Variants in PALM2AKAP2 observed in about 807,000 individuals in gnomAD.
PALM2AKAP2 encodes PALM2-AKAP2 fusion protein.
In PALM2AKAP2, 37 loss-of-function variants were observed where a neutral mutation model predicts 71.5. The ratio of observed to expected loss-of-function variants is 0.52; its 90% confidence interval spans 0.40 to 0.68. The LOEUF (loss-of-function observed/expected upper bound fraction) is 0.68, where lower values mean the gene tolerates loss of function less well. PALM2AKAP2 is among the 30% of genes least tolerant of loss of function. The pLI is 0.00. For synonymous variants in PALM2AKAP2, 468 were observed against 478.8 expected, an observed-to-expected ratio of 0.98 and a Z score of 0.29; for missense variants, 1,224 against 1,191.8, an observed-to-expected ratio of 1.03 and a Z score of -0.40.
chr9:110,042,140 A>T (rs1436344021), intron 7 of PALM2AKAP2, among the ~76,000 whole-genome samples: 1 of 152,138 alleles, frequency 6.6e-6, no homozygotes, highest in Non-Finnish European at 1.5e-5. Flanking sequence ...AAAATAGTCT[A>T]TGGGGGCCGG....
chr9:109,800,146 A>C (rs1040724754), intron 1 of PALM2AKAP2, among the ~76,000 whole-genome samples: 2 of 152,198 alleles, frequency 1.3e-5, no homozygotes, highest in South Asian at 2.1e-4. Flanking sequence ...TGCCAGTATA[A>C]GGTTTACTGA....
intron 1 of PALM2AKAP2, among the ~76,000 whole-genome samples, chr9:109,797,626 G>T (rs773710600): frequency 6.6e-6 from 1 of 152,210 alleles, no homozygotes; most frequent in Non-Finnish European, 1.5e-5. Context: ...TGCAGAAGCC[G>T]TCCGTCACCC....
chr9:109,754,344 A>G (rs1157573301), intron 1 of PALM2AKAP2, among the ~76,000 whole-genome samples: 6 of 152,202 alleles, frequency 3.9e-5, no homozygotes, highest in African/African-American at 1.4e-4. Flanking sequence ...GCTGAGAACT[A>G]GAAGTAATTT....
At chr9:109,727,610 T>C (rs1203003034) in intron 1 of PALM2AKAP2, among the ~76,000 whole-genome samples, 6 of 152,184 alleles carry the variant, frequency 3.9e-5, no homozygotes, top group African/African-American at 1.4e-4. Flanking sequence ...TTTTCAGGAT[T>C]TGATGGGCAC....
intron 6 of PALM2AKAP2, chr9:109,943,454 C>T: frequency 6.3e-7 from 1 of 1,575,220 alleles, no homozygotes; most frequent in Non-Finnish European, 8.6e-7. Context: ...TTCTTCTGGG[C>T]AGCCTGTACT....
intron 1 of PALM2AKAP2, among the ~76,000 whole-genome samples, chr9:109,697,113 T>G (rs1358133271): frequency 6.6e-5 from 10 of 152,150 alleles, no homozygotes; most frequent in African/African-American, 2.4e-4. Context: ...GAATCTCACC[T>G]AAGACATTCA....
chr9:109,937,348 T>C (rs1282801629), intron 6 of PALM2AKAP2, among the ~76,000 whole-genome samples: 2 of 152,114 alleles, frequency 1.3e-5, no homozygotes, highest in East Asian at 1.9e-4. Flanking sequence ...TTAATGTCTC[T>C]ACTCCTTCAG....
intron 1 of PALM2AKAP2, among the ~76,000 whole-genome samples, chr9:109,662,972 T>A (rs1044947817): frequency 1.3e-5 from 2 of 152,312 alleles, no homozygotes; most frequent in Non-Finnish European, 2.9e-5. Flanking sequence ...TTTATAGTAT[T>A]CTCTGATGAT....
chr9:109,973,126 T>A (rs2132162224), intron 6 of PALM2AKAP2, among the ~76,000 whole-genome samples: 1 of 152,330 alleles, frequency 6.6e-6, no homozygotes, highest in African/African-American at 2.4e-5. Context: ...AAAATCTACT[T>A]CTTTTTTATG....
intron 3 of PALM2AKAP2, among the ~76,000 whole-genome samples, chr9:109,896,797 C>T (rs957478757): frequency 2.6e-5 from 4 of 151,962 alleles, no homozygotes; most frequent in Non-Finnish European, 5.9e-5. Context: ...GACAACAGAG[C>T]GAGGCCCTGT....
chr9:110,011,730 T>G (rs1438891024), intron 6 of PALM2AKAP2, among the ~76,000 whole-genome samples: 1 of 152,182 alleles, frequency 6.6e-6, no homozygotes, highest in Non-Finnish European at 1.5e-5. Context: ...CTGTGCGCAG[T>G]GTGTGGGTTA....
At chr9:109,713,900 A>G (rs1828278578) in intron 1 of PALM2AKAP2, among the ~76,000 whole-genome samples, 2 of 152,264 alleles carry the variant, frequency 1.3e-5, no homozygotes. Context: ...CTAGTAAACT[A>G]TAAGATATTA....
intron 3 of PALM2AKAP2, among the ~76,000 whole-genome samples, chr9:109,893,612 AT>A (rs1281955024): frequency 2.0e-5 from 3 of 152,102 alleles, no homozygotes; most frequent in Non-Finnish European, 4.4e-5. Context: ...CACCCAGCTA[AT>A]TTTTGTATTA....
At chr9:109,763,126 C>T (rs965728726) in intron 1 of PALM2AKAP2, among the ~76,000 whole-genome samples, 5 of 152,072 alleles carry the variant, frequency 3.3e-5, no homozygotes, top group African/African-American at 1.2e-4. Context: ...GTCCCAAAAG[C>T]AGGGCTAGAG....
At chr9:109,817,115 T>C (rs1452755548) in intron 1 of PALM2AKAP2, among the ~76,000 whole-genome samples, 1 of 152,266 alleles carries the variant, frequency 6.6e-6, no homozygotes, top group Non-Finnish European at 1.5e-5. Context: ...ATATGTATTA[T>C]AAAGCTTCTT....
chr9:109,743,869 G>A (rs76077198), intron 1 of PALM2AKAP2, among the ~76,000 whole-genome samples: 6,500 of 152,276 alleles, frequency 0.043, 192 homozygotes, highest in Non-Finnish European at 0.053. Flanking sequence ...TAGGAACTCA[G>A]TGAATGAATA....
intron 1 of PALM2AKAP2, among the ~76,000 whole-genome samples, chr9:109,675,599 A>T (rs1827636213): frequency 6.6e-6 from 1 of 152,164 alleles, no homozygotes; most frequent in Non-Finnish European, 1.5e-5. Flanking sequence ...TGTTAGCAGA[A>T]TCCTGCCTAT....
intron 1 of PALM2AKAP2, among the ~76,000 whole-genome samples, chr9:109,649,269 G>A (rs1454088958): frequency 1.3e-5 from 2 of 151,436 alleles, no homozygotes; most frequent in African/African-American, 4.9e-5. Flanking sequence ...TATTTGTTCT[G>A]TTATCTACCA....
intron 6 of PALM2AKAP2, among the ~76,000 whole-genome samples, chr9:109,973,679 G>A (rs1422351429): frequency 6.6e-6 from 1 of 152,218 alleles, no homozygotes; most frequent in African/African-American, 2.4e-5. Flanking sequence ...AATACTGTCT[G>A]CCACATGCTG....
Sources: allele counts gnomAD v4.1 joint callset (sites outside exome capture counted in the v4.1 genomes callset), GRCh38; gene constraint gnomAD v4.1.1; transcripts MANE v1.5; gene names NCBI Gene and HGNC (gene_info 2026-07-23, HGNC 2026-07-21).